ZNF76: variants seen among roughly 807,000 people sequenced by gnomAD.
The protein encoded by ZNF76 is zinc finger protein 523.
Under a neutral mutation model 66.9 loss-of-function variants are expected in ZNF76, and 66 were observed. The ratio of observed to expected loss-of-function variants is 0.99; its 90% CI spans 0.81 to 1.21. The LOEUF (loss-of-function observed/expected upper bound fraction) is 1.21, where lower values mean the gene tolerates loss of function less well. Among genes scored for constraint, ZNF76 ranks in the 50% most tolerant of loss-of-function variants. The pLI is 0.00. For synonymous variants in ZNF76, 275 were observed against 296.1 expected, an observed-to-expected ratio of 0.93 and a Z score of 0.73; for missense variants, 729 against 760.3, an observed-to-expected ratio of 0.96 and a Z score of 0.48.
chr6:35,287,993 C>T lies in ZNF76; in HGVS notation c.432+148C>T, dbSNP rs768481815. On this transcript the variant is annotated intron_variant, in intron 5 of 13. Coordinates refer to ENST00000373953, the MANE Select transcript of ZNF76 (RefSeq NM_003427.5). The surrounding 1 kb of genome is among the most constrained non-coding windows in gnomAD (Gnocchi z 4.0). ...ACCATGTGGGATATTCCCTTTGCCCCTCCACCCCAGCTCCCCCAACTCACC... is the reference window on the plus strand; with the variant it reads ...ACCATGTGGGATATTCCCTTTGCCCTTCCACCCCAGCTCCCCCAACTCACC... 3.3e-6 allele frequency: 3 copies of T among 916,634 alleles called. No individual in the cohort carries two copies. The South Asian group carries it at 4.2e-5, about 13-fold the overall frequency. 56.8% of individuals were successfully genotyped at this position (916,634 alleles called of 1,614,324 possible).
In ZNF76 at chr6:35,287,991, C is replaced by T. The variant is rs890728857; in HGVS notation, c.432+146C>T. On this transcript the variant is annotated intron_variant, in intron 5 of 13. Coordinates refer to ENST00000373953, the MANE Select transcript of ZNF76 (RefSeq NM_003427.5). The surrounding 1 kb of genome is among the most constrained non-coding windows in gnomAD (Gnocchi z 4.0). The stretch of plus-strand genomic sequence containing the variant: ...GCACCATGTGGGATATTCCCTTTGC[C>T]CCTCCACCCCAGCTCCCCCAACTCA... 1.1e-6 allele frequency: 1 copy of T among 922,868 alleles called. No homozygotes were observed. Among genetic ancestry groups the T allele is most frequent in the Non-Finnish European group, 1.7e-6 (1 of 586,540 alleles). 57.2% of individuals were successfully genotyped at this position (922,868 alleles called of 1,614,324 possible).
chr6:35,289,498 G>A (rs1439466072), intron 5 of ZNF76, among the ~76,000 whole-genome samples: 1 of 152,182 alleles, frequency 6.6e-6, no homozygotes, highest in Non-Finnish European at 1.5e-5. Context: ...AAAGACCAGA[G>A]TGTGATTCTG....
intron 1 of ZNF76, among the ~76,000 whole-genome samples, chr6:35,261,511 T>C (rs1785251820): frequency 1.3e-5 from 1 of 75,086 alleles, no homozygotes; most frequent in Non-Finnish European, 4.5e-5. Context: ...TCCCATATTT[T>C]TGTTTGGTTG....
chr6:35,284,547 T>A (rs1789263899), intron 2 of ZNF76, among the ~76,000 whole-genome samples: 1 of 151,724 alleles, frequency 6.6e-6, no homozygotes, highest in Admixed American at 6.6e-5. Context: ...GACAGGTACC[T>A]GCCTCCACAC....
intron 7 of ZNF76, 110 bp from the exon 8 acceptor site, chr6:35,291,168 C>T (rs1790317785): frequency 4.2e-6 from 6 of 1,433,386 alleles, no homozygotes; most frequent in Non-Finnish European, 5.6e-6. Context: ...TAGAGGCAGA[C>T]ATGGGCTTCT....
At chr6:35,290,166 T>G (rs900438126) in intron 5 of ZNF76, 100 bp from the exon 6 acceptor site, 15 of 1,519,390 alleles carry the variant, frequency 9.9e-6, no homozygotes, top group African/African-American at 1.4e-5. Flanking sequence ...CCTGACAGGT[T>G]TAACCCTGCC....
At chr6:35,290,936 C>T (rs1175941300) in intron 7 of ZNF76, 2 of 606,298 alleles carry the variant, frequency 3.3e-6, no homozygotes, top group Non-Finnish European at 5.8e-6. Flanking sequence ...GGTGGAGAGA[C>T]CCAGCCTCTT....
intron 1 of ZNF76, among the ~76,000 whole-genome samples, chr6:35,265,980 A>T (rs1358241164): frequency 1.3e-5 from 2 of 151,980 alleles, no homozygotes; most frequent in Non-Finnish European, 2.9e-5. Context: ...AAGGAGAGAA[A>T]CTGGTTAGGA....
At chr6:35,285,052 C>A (rs573234118) in intron 2 of ZNF76, among the ~76,000 whole-genome samples, 2 of 152,228 alleles carry the variant, frequency 1.3e-5, no homozygotes, top group African/African-American at 4.8e-5. Context: ...TTTCTCATTT[C>A]TCTTCTTCCT....
intron 5 of ZNF76, among the ~76,000 whole-genome samples, chr6:35,289,552 CCTG>C (rs1375851894): frequency 1.3e-5 from 2 of 152,170 alleles, no homozygotes; most frequent in Non-Finnish European, 2.9e-5. Context: ...CCACCAGGAC[CCTG>C]CCCAGGAAAG....
At chr6:35,267,010 A>G (rs1786235560) in intron 1 of ZNF76, among the ~76,000 whole-genome samples, 1 of 151,966 alleles carries the variant, frequency 6.6e-6, no homozygotes, top group South Asian at 2.1e-4. Flanking sequence ...CGTGTTAACC[A>G]GGATGGTCTC....
At chr6:35,286,503 T>C in intron 4 of ZNF76, 104 bp downstream of exon 4, 2 of 1,080,008 alleles carry the variant, frequency 1.9e-6, no homozygotes, top group South Asian at 2.6e-5. Context: ...GGTGTAGACA[T>C]GGGAGCTGTC....
chr6:35,295,043 G>C, intron 13 of ZNF76, 101 bp from the exon 14 acceptor site: 5 of 822,476 alleles, frequency 6.1e-6, no homozygotes, highest in Non-Finnish European at 9.8e-6. Context: ...CTGGGTAGAT[G>C]GGGGAGAGTC....
rs754691961 is a variant in ZNF76, at chr6:35,292,640, A to C, written c.1018A>C (p.Thr340Pro). The change falls in exon 10 of 14, where the codon ACA (threonine) becomes CCA (proline). Residue 340 changes from threonine (T) to proline (P), a missense_variant. Transcript: ENST00000373953. This position sits in a 1 kb window ranked among gnomAD's most constrained non-coding sequence, Gnocchi z 4.7. The stretch of plus-strand genomic sequence containing the variant: ...CTTGTATAAGCACCACGTGGTGCAC[A>C]CACACTGCAAGCCCTACACCTGCAG... ...SSLYKHHVVH[T>P]HCKPYTCSTC... 2.5e-5 allele frequency: 40 copies of C among 1,613,944 alleles called. No individual in the cohort carries two copies. Among genetic ancestry groups the C allele is most frequent in the Non-Finnish European group, 3.2e-5 (38 of 1,180,042 alleles).
chr6:35,266,878 GC>G (rs1245423203), intron 1 of ZNF76, among the ~76,000 whole-genome samples: 1 of 127,354 alleles, frequency 7.9e-6, no homozygotes, highest in Non-Finnish European at 1.6e-5. Context: ...TCGGCTCACT[GC>G]AAGCTCTGCC....
At chr6:35,270,847 G>A (rs879609911) in intron 1 of ZNF76, among the ~76,000 whole-genome samples, 3 of 152,104 alleles carry the variant, frequency 2.0e-5, no homozygotes, top group South Asian at 2.1e-4. Context: ...GTGAGCCACT[G>A]CGCCCAGCCC....
At chr6:35,280,899 TTTTGAGCCC>T (rs1453430027) in intron 1 of ZNF76, among the ~76,000 whole-genome samples, 148 bp from the exon 2 acceptor site, 18 of 152,234 alleles carry the variant, frequency 1.2e-4, no homozygotes, top group Non-Finnish European at 1.8e-4. Context: ...ATAATGTGTA[TTTTGAGCCC>T]TTTTCATAAA....
rs546078068 is a variant in ZNF76 at position 35,287,344 on chromosome 6, G to T, written c.233-302G>T. Among the ~76,000 whole-genome samples, 11 of 152,158 alleles carry T rather than the reference G, an allele frequency of 7.2e-5. No individual in the cohort carries two copies. The highest frequency in any genetic ancestry group is 2.4e-4 in the African/African-American group (10 of 41,426). On this transcript the variant is annotated intron_variant, in intron 4 of 13. Coordinates refer to ENST00000373953, the MANE Select transcript of ZNF76 (RefSeq NM_003427.5). This position sits in a 1 kb window ranked among gnomAD's most constrained non-coding sequence, Gnocchi z 4.0. ...TTGTGCTGCCTGGAGGGAACTAGAG[G>T]GGGTGAGGAGCGACTGGTCAGGAGG...
intron 1 of ZNF76, among the ~76,000 whole-genome samples, chr6:35,271,577 G>A (rs1787061707): frequency 6.6e-6 from 1 of 151,988 alleles, no homozygotes. Flanking sequence ...GGCTGAGGCA[G>A]GAGAATCACT....
Sources: allele counts gnomAD v4.1 joint callset (sites outside exome capture counted in the v4.1 genomes callset), GRCh38; gene constraint gnomAD v4.1.1; non-coding constraint Gnocchi (gnomAD v3.1); transcripts MANE v1.5; gene names NCBI Gene and HGNC (gene_info 2026-07-23, HGNC 2026-07-21).